PCLO: variants seen among roughly 807,000 people sequenced by gnomAD.
The protein encoded by PCLO is protein piccolo.
In PCLO, 82 loss-of-function variants were observed where a neutral mutation model predicts 427.5. The observed-to-expected ratio is 0.19, with a 90% CI of 0.16 to 0.23. The LOEUF (loss-of-function observed/expected upper bound fraction) is 0.23. PCLO is among the 10% of genes least tolerant of loss of function. The pLI, the probability that PCLO is intolerant of heterozygous loss-of-function variation, is 1.00. For missense variants in PCLO, 6,239 were observed against 6,115.9 expected (o/e 1.02, Z -0.67); for synonymous variants, 2,357 against 2,155.4 (o/e 1.09, Z -2.59).
chr7:82,880,694 A>G lies in PCLO; in HGVS notation c.13529-1232T>C, dbSNP rs1273652438. On this transcript the variant is annotated intron_variant, in intron 9 of 24. Transcript: ENST00000333891. ...CTAAACATCCTACAATGCACAGGGT[A>G]TCTTCCTAGGATTTTCCAGGCCAAA... Among the ~76,000 whole-genome samples, 13 of 152,304 alleles carry G rather than the reference A, an allele frequency of 8.5e-5. 1 individual carries two copies. Among genetic ancestry groups the G allele is most frequent in the East Asian group, 1.9e-4 (1 of 5,178 alleles).
intron 24 of PCLO, among the ~76,000 whole-genome samples, chr7:82,759,248 AT>A (rs538013060): frequency 3.4e-4 from 51 of 148,816 alleles, no homozygotes; most frequent in South Asian, 2.8e-3. Flanking sequence ...AAACTAAAGA[AT>A]TTTTTTTTTT....
chr7:83,136,272 A>G (rs778097349), intron 2 of PCLO, among the ~76,000 whole-genome samples: 24 of 152,174 alleles, frequency 1.6e-4, no homozygotes, highest in Non-Finnish European at 2.4e-4. Context: ...ACCATGTATA[A>G]TTTAAGAAAA....
rs1301396552 is a variant in PCLO at position 82,999,416 on chromosome 7, A to ATT, written c.3301-32930_3301-32929insAA. On this transcript the variant is annotated intron_variant, in intron 3 of 24. Coordinates refer to ENST00000333891, the MANE Select transcript of PCLO (RefSeq NM_033026.6). ...TATAATATATACTATTCCATTATAT[A>ATT]ATATATTATATATTTTATTATATAT... Among the ~76,000 whole-genome samples, 3 of 18,758 alleles carry ATT rather than the reference A, an allele frequency of 1.6e-4. No homozygotes were observed. In the East Asian group the frequency reaches 0.032, roughly 200 times the overall value. The allele number at this position is 18,758 out of a possible 152,430, so 12.3% of individuals were successfully genotyped here.
At chr7:82,801,237 G>A (rs1791343908) in intron 22 of PCLO, among the ~76,000 whole-genome samples, 1 of 110,520 alleles carries the variant, frequency 9.0e-6, no homozygotes, top group Non-Finnish European at 2.0e-5. Context: ...CCCACCCTGG[G>A]AAAGTCTTCT....
chr7:82,905,390 C>T (rs1794162313), intron 8 of PCLO, among the ~76,000 whole-genome samples: 1 of 151,966 alleles, frequency 6.6e-6, no homozygotes, highest in South Asian at 2.1e-4. Context: ...TGTATTCATA[C>T]AGACATCCCT....
chr7:82,911,403 C>T (rs1210763435), intron 7 of PCLO, among the ~76,000 whole-genome samples: 1 of 151,718 alleles, frequency 6.6e-6, no homozygotes, highest in South Asian at 2.1e-4. Context: ...AAAAAAAATT[C>T]TGAATTAGTT....
At chr7:82,840,698 T>C (rs1341946153) in intron 14 of PCLO, among the ~76,000 whole-genome samples, 1 of 152,060 alleles carries the variant, frequency 6.6e-6, no homozygotes, top group Non-Finnish European at 1.5e-5. Flanking sequence ...CTTTGTGAAG[T>C]CTTTTGTGAA....
At position 82,956,886 on chromosome 7, in the gene PCLO, C is replaced by A. The variant is rs377062928; in HGVS notation, c.4067G>T (p.Ser1356Ile). ...SDTSSSQQPKSPQGLSDTGYS... is the reference protein window; with the variant it reads ...SDTSSSQQPKIPQGLSDTGYS... ...TCCCGTGTCGCTCAGACCTTGGGGG[C>A]TTTTAGGCTGCTGAGAACTTGAGGT... Residue 1356 changes from serine to isoleucine, a missense_variant, in exon 5 of 25, where the codon AGC (serine) becomes ATC (isoleucine). Coordinates refer to ENST00000333891, the MANE Select transcript of PCLO (RefSeq NM_033026.6). The A allele has an allele frequency of 8.1e-6, 13 of 1,612,664 alleles. No homozygotes were observed. The highest frequency in any genetic ancestry group is 1.7e-5 in the Admixed American group (1 of 59,790).
In PCLO at chr7:82,952,042, C is replaced by T. The variant is rs1232051066; in HGVS notation, c.8911G>A (p.Asp2971Asn). ...GATCGATCATACTGATAGTGGTCAT[C>T]CCTATAACCAAAACGATCCTCAGGA... ...TLPEDRFGYR[D>N]DHYQYDRSGP... Residue 2971 changes from aspartate to asparagine, a missense_variant, in exon 5 of 25, where the codon GAT (aspartate) becomes AAT (asparagine). By Grantham distance (23) the Asp-to-Asn change is conservative. Around this residue, in one of 5 missense-constraint regions of PCLO, gnomAD observed 4,677 missense variants for 4,468.4 expected, o/e 1.05. Transcript: ENST00000333891. The T allele has an allele frequency of 1.9e-6, 3 of 1,613,830 alleles. No individual in the cohort carries two copies. The highest frequency in any genetic ancestry group is 1.3e-5 in the African/African-American group (1 of 74,924).
chr7:83,152,864 T>C (rs997676616), intron 2 of PCLO, among the ~76,000 whole-genome samples: 61 of 152,356 alleles, frequency 4.0e-4, no homozygotes, highest in African/African-American at 1.3e-3. Flanking sequence ...TTTTAATCTA[T>C]TAAGATCAAC....
chr7:82,814,419 A>G (rs555994932), intron 20 of PCLO, among the ~76,000 whole-genome samples: 1 of 151,614 alleles, frequency 6.6e-6, no homozygotes, highest in East Asian at 1.9e-4. Context: ...ATGATTGTGC[A>G]TAAGTCTAAG....
At chr7:82,960,250 T>C (rs1287955655) in intron 4 of PCLO, among the ~76,000 whole-genome samples, 3 of 152,328 alleles carry the variant, frequency 2.0e-5, no homozygotes, top group South Asian at 4.1e-4. Context: ...TGCAGATTAC[T>C]GATTTGAGTG....
intron 3 of PCLO, 62 bp from the exon 4 acceptor site, chr7:82,966,549 T>G: frequency 9.1e-7 from 1 of 1,095,248 alleles, no homozygotes; most frequent in South Asian, 2.3e-5. Context: ...TTTCTGTGAT[T>G]TTACCAAAGT....
chr7:82,776,341 C>T (rs58067966), intron 22 of PCLO, among the ~76,000 whole-genome samples: 1,595 of 152,150 alleles, frequency 0.01, 34 homozygotes, highest in African/African-American at 0.036. Context: ...GCTTGTAATC[C>T]CAGCACTTTG....
chr7:83,107,069 A>G (rs1790876129), intron 3 of PCLO, among the ~76,000 whole-genome samples: 1 of 152,024 alleles, frequency 6.6e-6, no homozygotes, highest in Non-Finnish European at 1.5e-5. Context: ...TTTATTTTTA[A>G]CTTTTATTTT....
rs373043011 is a variant in PCLO at position 82,893,437 on chromosome 7, G to T, written c.13528+9214C>A. On this transcript the variant is annotated intron_variant, in intron 9 of 24. Coordinates refer to ENST00000333891, the MANE Select transcript of PCLO (RefSeq NM_033026.6). ...GGGCCCTGTTGTGGGGTCAGGGAAGGGGGGAGGGATAGCATTAGGAGATAC... is the reference window on the plus strand; with the variant it reads ...GGGCCCTGTTGTGGGGTCAGGGAAGTGGGGAGGGATAGCATTAGGAGATAC... 9.2e-5 allele frequency among the ~76,000 whole-genome samples: 14 copies of T among 152,104 alleles called. No homozygotes were observed. In the South Asian group the frequency reaches 1.0e-3, roughly 11 times the overall value.
intron 6 of PCLO, among the ~76,000 whole-genome samples, chr7:82,923,797 C>A (rs1017283534): frequency 6.6e-6 from 1 of 151,978 alleles, no homozygotes; most frequent in African/African-American, 2.4e-5. Context: ...ATTCATGTAC[C>A]AACCATGGCT....
intron 9 of PCLO, among the ~76,000 whole-genome samples, chr7:82,892,824 T>C (rs970165354): frequency 2.6e-5 from 4 of 152,072 alleles, no homozygotes; most frequent in African/African-American, 7.2e-5. Context: ...CATGAAAAAA[T>C]GCTCATCATC....
rs1354952049 is a variant in PCLO, at chr7:83,026,494, A to G, written c.3301-60007T>C. Among the ~76,000 whole-genome samples, 6 of 152,220 alleles carry G rather than the reference A, an allele frequency of 3.9e-5. No individual in the cohort carries two copies. In the East Asian group the frequency reaches 1.2e-3, roughly 30 times the overall value. ...CCTACAAAGAGACTTAAACTCCCAC[A>G]CATTAATAATGGGAGACTTTAACAC... is the stretch of plus-strand genomic sequence containing the variant. On this transcript the variant is annotated intron_variant, in intron 3 of 24. Coordinates refer to ENST00000333891, the MANE Select transcript of PCLO (RefSeq NM_033026.6).
Sources: gnomAD v4.1 joint callset for allele counts (sites outside exome capture counted in the v4.1 genomes callset) on GRCh38, gnomAD v4.1.1 for gene constraint, gnomAD v4.1.1 regional missense constraint, MANE v1.5 for transcripts, NCBI Gene and HGNC (gene_info 2026-07-23, HGNC 2026-07-21) for gene names.